The following THSD7A variants were observed in gnomAD, a reference collection of about 807,000 sequenced individuals.
The protein encoded by THSD7A is thrombospondin type 1 domain containing 7A.
A neutral mutation model predicts 231.3 loss-of-function variants in THSD7A; 96 were observed. The ratio of observed to expected loss-of-function variants is 0.41; its 90% CI spans 0.35 to 0.49. The LOEUF (loss-of-function observed/expected upper bound fraction) is 0.49, where lower values mean the gene tolerates loss of function less well. THSD7A is among the 20% of genes least tolerant of loss of function. THSD7A has a pLI of 0.05. For synonymous variants in THSD7A, 940 were observed against 743.3 expected, an observed-to-expected ratio of 1.26 and a Z score of -4.30; for missense variants, 2,290 against 2,070.2, an observed-to-expected ratio of 1.11 and a Z score of -2.06.
At chr7:11,811,451 T>C (rs141420412) in intron 1 of THSD7A, among the ~76,000 whole-genome samples, 30 of 152,276 alleles carry the variant, frequency 2.0e-4, no homozygotes, top group African/African-American at 7.0e-4. Flanking sequence ...ACCAAACATA[T>C]ATATGAATTC....
At chr7:11,654,844 A>G (rs1782647784) in intron 1 of THSD7A, among the ~76,000 whole-genome samples, 2 of 151,930 alleles carry the variant, frequency 1.3e-5, no homozygotes, top group African/African-American at 4.8e-5. Flanking sequence ...TCTGGCATTA[A>G]TACACATGGT....
intron 17 of THSD7A, among the ~76,000 whole-genome samples, chr7:11,415,067 T>C (rs1328601886): frequency 1.3e-5 from 2 of 152,202 alleles, no homozygotes; most frequent in African/African-American, 4.8e-5. Flanking sequence ...CACAGTGAAC[T>C]ATACCCTCTT....
At chr7:11,589,276 T>C (rs1421813156) in intron 4 of THSD7A, among the ~76,000 whole-genome samples, 1 of 152,184 alleles carries the variant, frequency 6.6e-6, no homozygotes, top group Admixed American at 6.5e-5. Flanking sequence ...CTCCCGTCTC[T>C]ACAACCTGCC....
chr7:11,627,059 A>G (rs1781494781), intron 2 of THSD7A, among the ~76,000 whole-genome samples: 1 of 152,106 alleles, frequency 6.6e-6, no homozygotes, highest in Admixed American at 6.6e-5. Flanking sequence ...TTAAATTTTA[A>G]TACTGTAACA....
intron 6 of THSD7A, among the ~76,000 whole-genome samples, chr7:11,508,480 T>G (rs890257648): frequency 7.9e-5 from 12 of 152,278 alleles, no homozygotes; most frequent in Non-Finnish European, 1.8e-4. Flanking sequence ...ATTAGAATCC[T>G]TGTACATTAT....
At chr7:11,518,634 C>T (rs552890822) in intron 6 of THSD7A, among the ~76,000 whole-genome samples, 29 of 151,790 alleles carry the variant, frequency 1.9e-4, no homozygotes, top group Non-Finnish European at 3.7e-4. Flanking sequence ...CACACAGGCA[C>T]GCACACATAG....
chr7:11,498,500 C>T (rs1787200121), intron 6 of THSD7A, among the ~76,000 whole-genome samples: 1 of 152,168 alleles, frequency 6.6e-6, no homozygotes, highest in Non-Finnish European at 1.5e-5. Flanking sequence ...ACTGCACTCC[C>T]AGAGGGAAGG....
intron 4 of THSD7A, among the ~76,000 whole-genome samples, chr7:11,583,495 C>T (rs964044127): frequency 5.9e-5 from 9 of 152,040 alleles, no homozygotes; most frequent in African/African-American, 1.4e-4. Flanking sequence ...AGTCTGGTCT[C>T]GAACTCCCAG....
intron 1 of THSD7A, among the ~76,000 whole-genome samples, chr7:11,719,690 C>A (rs1366704496): frequency 6.6e-6 from 1 of 151,594 alleles, no homozygotes; most frequent in South Asian, 2.1e-4. Context: ...GTCTACTCCA[C>A]ATTTCACATA....
At chr7:11,573,139 T>C (rs67661140) in intron 4 of THSD7A, among the ~76,000 whole-genome samples, 33,503 of 152,054 alleles carry the variant, frequency 0.22, 4,142 homozygotes, top group Non-Finnish European at 0.27. Context: ...GCTCAACAAG[T>C]ATTCTTCACT....
intron 22 of THSD7A, among the ~76,000 whole-genome samples, chr7:11,405,285 A>G (rs1783545578): frequency 6.6e-6 from 1 of 151,986 alleles, no homozygotes; most frequent in Non-Finnish European, 1.5e-5. Context: ...CCACTTTTAA[A>G]ATTTTCTTAA....
At chr7:11,624,114 A>G (rs1379821272) in intron 2 of THSD7A, among the ~76,000 whole-genome samples, 1 of 152,058 alleles carries the variant, frequency 6.6e-6, no homozygotes, top group Non-Finnish European at 1.5e-5. Flanking sequence ...AAACTTTTAA[A>G]TGAAAACTGC....
intron 4 of THSD7A, among the ~76,000 whole-genome samples, chr7:11,574,547 G>A (rs146954717): frequency 0.31 from 47,204 of 150,092 alleles, 7,535 homozygotes; most frequent in Middle Eastern, 0.42. Flanking sequence ...CCATTCTGCC[G>A]CCTCAGCCTC....
chr7:11,533,942 TCA>T (rs1788809164), intron 6 of THSD7A, among the ~76,000 whole-genome samples: 1 of 152,218 alleles, frequency 6.6e-6, no homozygotes, highest in African/African-American at 2.4e-5. Context: ...CCTGTTTTTC[TCA>T]TTTTTGAATG....
chr7:11,417,252 T>G (rs1783991867), intron 17 of THSD7A, among the ~76,000 whole-genome samples, 198 bp downstream of exon 17: 1 of 152,114 alleles, frequency 6.6e-6, no homozygotes, highest in African/African-American at 2.4e-5. Flanking sequence ...GCTGTTCTAG[T>G]GTGAGAGGAA....
intron 4 of THSD7A, among the ~76,000 whole-genome samples, chr7:11,564,846 T>C (rs745984234): frequency 2.0e-5 from 3 of 152,220 alleles, no homozygotes; most frequent in Non-Finnish European, 4.4e-5. Flanking sequence ...AGATAATTTC[T>C]CTCACTGACC....
At chr7:11,782,119 AT>A (rs1045613117) in intron 1 of THSD7A, among the ~76,000 whole-genome samples, 2 of 152,134 alleles carry the variant, frequency 1.3e-5, no homozygotes, top group African/African-American at 2.4e-5. Context: ...TTGTAATGTA[AT>A]TTTTTTAAAA....
At chr7:11,572,523 T>C (rs78123953) in intron 4 of THSD7A, among the ~76,000 whole-genome samples, 5,244 of 152,194 alleles carry the variant, frequency 0.034, 318 homozygotes, top group African/African-American at 0.12. Flanking sequence ...TAGTTTCTTT[T>C]TGGGGGGACA....
At chr7:11,810,516 T>G (rs908413295) in intron 1 of THSD7A, among the ~76,000 whole-genome samples, 14 of 152,150 alleles carry the variant, frequency 9.2e-5, no homozygotes, top group African/African-American at 3.4e-4. Context: ...AGTAAAATGT[T>G]TGTGCAGTAA....
Sources: gnomAD v4.1 joint callset for allele counts (sites outside exome capture counted in the v4.1 genomes callset) on GRCh38, gnomAD v4.1.1 for gene constraint, MANE v1.5 for transcripts, NCBI Gene and HGNC (gene_info 2026-07-23, HGNC 2026-07-21) for gene names.